The following MARCHF5 variants were observed in gnomAD, a reference collection of about 807,000 sequenced individuals.
MARCHF5 encodes E3 ubiquitin-protein ligase MARCHF5.
Under a neutral mutation model 36.5 loss-of-function variants are expected in MARCHF5, and 5 were observed. That is an observed-to-expected ratio of 0.14 (90% CI 0.07 to 0.29). The LOEUF (loss-of-function observed/expected upper bound fraction) is 0.29. MARCHF5 is among the 10% of genes least tolerant of loss of function. The pLI is 1.00. For synonymous variants in MARCHF5, 103 were observed against 109.9 expected, an observed-to-expected ratio of 0.94 and a Z score of 0.39; for missense variants, 179 against 336.3, an observed-to-expected ratio of 0.53 and a Z score of 3.66.
intron 1 of MARCHF5, among the ~76,000 whole-genome samples, chr10:92,303,109 C>G (rs1234170196): frequency 5.9e-5 from 9 of 152,132 alleles, no homozygotes; most frequent in African/African-American, 1.9e-4. Context: ...TAATTTAGTG[C>G]CAGTGAGAAA....
At chr10:92,334,733 T>C (rs1353102612) in intron 2 of MARCHF5, among the ~76,000 whole-genome samples, 2 of 152,246 alleles carry the variant, frequency 1.3e-5, no homozygotes, top group African/African-American at 4.8e-5. Flanking sequence ...TTGTTTGCTA[T>C]GTCTGCCAGA....
chr10:92,345,761 A>T, intron 3 of MARCHF5, among the ~76,000 whole-genome samples: 1 of 139,802 alleles, frequency 7.2e-6, no homozygotes, highest in East Asian at 2.1e-4. Flanking sequence ...TGGCGCAGTC[A>T]CGGCTCACTG....
chr10:92,291,726 G>A, intron 1 of MARCHF5, 197 bp downstream of exon 1: 2 of 360,214 alleles, frequency 5.6e-6, no homozygotes, highest in Non-Finnish European at 7.7e-6. Context: ...CGTAGACTTT[G>A]GGTGAAACTT....
chr10:92,316,170 T>A (rs1039829162), intron 2 of MARCHF5, among the ~76,000 whole-genome samples: 8 of 152,150 alleles, frequency 5.3e-5, no homozygotes, highest in Non-Finnish European at 1.2e-4. Context: ...GTTTTTTTTT[T>A]AACTTTTCAA....
In MARCHF5 at chr10:92,340,588, A is replaced by G. The variant is rs546483221; in HGVS notation, c.239-85A>G. ...CCCTGTGTCTTGTTGGGGGGAAGGT[A>G]TTTTAGATCTATAGAAAATATCAAA... On this transcript the variant is annotated intron_variant, in intron 2 of 5. Transcript: ENST00000358935. 762 of 1,301,810 alleles carry G rather than the reference A, an allele frequency of 5.9e-4. 6 individuals carry two copies. In the South Asian group the frequency reaches 0.011, roughly 19 times the overall value. The allele number at this position is 1,301,810 out of a possible 1,614,324, so 80.6% of individuals were successfully genotyped here. A position where few individuals can be genotyped will look rare whatever the true frequency, so the allele number is the denominator to read the frequency against.
At chr10:92,329,800 T>G (rs562732232) in intron 2 of MARCHF5, among the ~76,000 whole-genome samples, 1 of 152,308 alleles carries the variant, frequency 6.6e-6, no homozygotes, top group Admixed American at 6.5e-5. Context: ...TCCATAGTGA[T>G]TTAGTCTTTG....
intron 3 of MARCHF5, among the ~76,000 whole-genome samples, chr10:92,344,629 G>C (rs1163474720): frequency 6.6e-6 from 1 of 152,066 alleles, no homozygotes; most frequent in Non-Finnish European, 1.5e-5. Context: ...TAGTATTTAG[G>C]GTTTGCCTTC....
chr10:92,352,603 C>G lies in MARCHF5; in HGVS notation c.*1396C>G, dbSNP rs1590672488. ...TAATGCATGTCAATAATAAATGTTT[C>G]CCCTTACTGATAAGCGGCCACTTTA... On this transcript the variant is annotated 3_prime_UTR_variant, in exon 6 of 6. Transcript: ENST00000358935. 6.6e-6 allele frequency: 1 copy of G among 152,138 alleles called. No homozygotes were observed. The highest frequency in any genetic ancestry group is 1.9e-4 in the East Asian group (1 of 5,194). The allele number at this position is 152,138 out of a possible 1,614,324, so 9.4% of individuals were successfully genotyped here.
chr10:92,309,313 A>T (rs1843118323), intron 1 of MARCHF5, among the ~76,000 whole-genome samples: 1 of 152,222 alleles, frequency 6.6e-6, no homozygotes, highest in Admixed American at 6.5e-5. Context: ...TTAGATCAAA[A>T]TATGAAATTT....
chr10:92,346,396 C>T (rs1300652825), intron 3 of MARCHF5, among the ~76,000 whole-genome samples: 1 of 152,070 alleles, frequency 6.6e-6, no homozygotes, highest in Non-Finnish European at 1.5e-5. Flanking sequence ...GAGCCTCATC[C>T]CACTTCTAAC....
chr10:92,291,856 G>C (rs900771048), intron 1 of MARCHF5, among the ~76,000 whole-genome samples: 1 of 150,858 alleles, frequency 6.6e-6, no homozygotes. Flanking sequence ...TCCCCAACTT[G>C]TGAAGTGTTT....
chr10:92,318,547 C>A (rs1197958048), intron 2 of MARCHF5, among the ~76,000 whole-genome samples: 1 of 151,776 alleles, frequency 6.6e-6, no homozygotes, highest in African/African-American at 2.4e-5. Flanking sequence ...ATGGCAAAAC[C>A]CAGTCTCCAC....
chr10:92,304,117 T>TG (rs1162068266), intron 1 of MARCHF5, among the ~76,000 whole-genome samples: 1 of 152,126 alleles, frequency 6.6e-6, no homozygotes, highest in Admixed American at 6.6e-5. Flanking sequence ...GTTGAAAAAT[T>TG]GGGGAAATGA....
chr10:92,328,791 A>G (rs1843399849), intron 2 of MARCHF5, among the ~76,000 whole-genome samples: 2 of 145,138 alleles, frequency 1.4e-5, no homozygotes, highest in South Asian at 2.2e-4. Flanking sequence ...AGATCTTGTC[A>G]GTGAGGTTAT....
Position 92,291,441 on chromosome 10 carries a change from C to T in MARCHF5, c.-54C>T, listed in dbSNP as rs1842860573. 3.4e-6 allele frequency: 5 copies of T among 1,455,226 alleles called. No individual in the cohort carries two copies. Among genetic ancestry groups the T allele is most frequent in the African/African-American group, 1.4e-5 (1 of 71,000 alleles). The allele number at this position is 1,455,226 out of a possible 1,614,324, so 90.1% of individuals were successfully genotyped here. On this transcript the variant is annotated 5_prime_UTR_variant, in exon 1 of 6. Coordinates refer to ENST00000358935, the MANE Select transcript of MARCHF5 (RefSeq NM_017824.5). ...GCCTCTCAGTGCTATTGTCCCTGGG[C>T]CTGGCCTTGAGCGGGTCCACTGGGG...
chr10:92,332,062 T>C (rs1160509576), intron 2 of MARCHF5, among the ~76,000 whole-genome samples: 2 of 145,846 alleles, frequency 1.4e-5, no homozygotes, highest in African/African-American at 2.5e-5. Flanking sequence ...TTGTGGGTCC[T>C]TTTTTTTTTC....
At chr10:92,307,163 G>A (rs1465708459) in intron 1 of MARCHF5, among the ~76,000 whole-genome samples, 2 of 146,864 alleles carry the variant, frequency 1.4e-5, no homozygotes, top group African/African-American at 5.2e-5. Flanking sequence ...ATAAAATAAG[G>A]AAAGAAAACA....
intron 1 of MARCHF5, among the ~76,000 whole-genome samples, chr10:92,304,946 A>G (rs1466082958): frequency 6.6e-6 from 1 of 152,238 alleles, no homozygotes; most frequent in African/African-American, 2.4e-5. Flanking sequence ...TTAACCAGCT[A>G]GAATATCCTG....
chr10:92,327,250 CT>C (rs953748977), intron 2 of MARCHF5, among the ~76,000 whole-genome samples: 18 of 143,724 alleles, frequency 1.3e-4, no homozygotes, highest in South Asian at 2.2e-4. Flanking sequence ...GTTGCCTAAA[CT>C]TTTTTTTTTT....
Sources: allele counts gnomAD v4.1 joint callset (sites outside exome capture counted in the v4.1 genomes callset), GRCh38; gene constraint gnomAD v4.1.1; transcripts MANE v1.5; gene names NCBI Gene and HGNC (gene_info 2026-07-23, HGNC 2026-07-21).